TMEM181: variants seen among roughly 807,000 people sequenced by gnomAD.
TMEM181 encodes the protein transmembrane protein 181.
Under a neutral mutation model 71.9 loss-of-function variants are expected in TMEM181, and 39 were observed. That is an observed-to-expected ratio of 0.54 (90% CI 0.42 to 0.71). The LOEUF (loss-of-function observed/expected upper bound fraction) is 0.71. TMEM181 is among the 30% of genes least tolerant of loss of function. The probability of loss-of-function intolerance (pLI) is 0.00; values close to 1 mark genes in which losing one functional copy is unlikely to be tolerated. For missense variants in TMEM181, 595 were observed against 583.0 expected (o/e 1.02, Z -0.21); for synonymous variants, 245 against 228.8 (o/e 1.07, Z -0.64).
Position 158,585,367 on chromosome 6 carries a change from C to T in TMEM181, c.323C>T (p.Thr108Ile). 6.2e-7 allele frequency: 1 copy of T among 1,612,340 alleles called. No individual in the cohort carries two copies. The highest frequency in any genetic ancestry group is 8.5e-7 in the Non-Finnish European group (1 of 1,179,664). Reference protein sequence around the residue: ...VKVDGVAQDGTTMYIHNKVHN... With the variant: ...VKVDGVAQDGITMYIHNKVHN... ...GTCGATGGTGTAGCTCAAGATGGAA[C>T]CACGATGTACATTCATAACAAAGTT... Residue 108 changes from threonine to isoleucine, a missense_variant, in exon 5 of 17, where the codon ACC (threonine) becomes ATC (isoleucine). Coordinates refer to ENST00000684151, the MANE Select transcript of TMEM181 (RefSeq NM_001376852.1).
rs1268621396 is a variant in TMEM181, at chr6:158,634,952, G to C, written c.*3064G>C. On this transcript the variant is annotated 3_prime_UTR_variant, in exon 17 of 17. Transcript: ENST00000684151. ...GTGTCTGAACATTTAGTGAAGATGA[G>C]ACTTAAAACATGAAAGTGTATTTGT... 1 of 151,754 alleles carries C rather than the reference G, an allele frequency of 6.6e-6. No individual in the cohort carries two copies. Among genetic ancestry groups the C allele is most frequent in the Non-Finnish European group, 1.5e-5 (1 of 67,996 alleles). The allele number at this position is 151,754 out of a possible 1,614,324, so 9.4% of individuals were successfully genotyped here.
chr6:158,589,823 T>C, intron 6 of TMEM181, 41 bp downstream of exon 6: 1 of 1,351,360 alleles, frequency 7.4e-7, no homozygotes, highest in African/African-American at 1.4e-5. Context: ...TGGCTCATGT[T>C]CTAGTTCCCA....
intron 1 of TMEM181, among the ~76,000 whole-genome samples, chr6:158,563,582 T>A (rs894117): frequency 0.59 from 89,883 of 152,104 alleles, 27,021 homozygotes; most frequent in East Asian, 0.76. Context: ...CCAGCACTGC[T>A]TGTGCTGAAA....
chr6:158,561,009 G>C (rs576672074), intron 1 of TMEM181, among the ~76,000 whole-genome samples: 1 of 152,314 alleles, frequency 6.6e-6, no homozygotes, highest in South Asian at 2.1e-4. Flanking sequence ...CAGAAAGTCC[G>C]GGAGAAGGAG....
upstream of TMEM181, among the ~76,000 whole-genome samples, chr6:158,559,812 C>T (rs530308057): frequency 3.7e-4 from 57 of 152,382 alleles, no homozygotes; most frequent in African/African-American, 1.3e-3. Flanking sequence ...CCCATCCTTA[C>T]GCCCCGACAC....
chr6:158,609,610 C>T (rs1041003261), intron 10 of TMEM181: 9 of 167,656 alleles, frequency 5.4e-5, no homozygotes, highest in African/African-American at 9.6e-5. Context: ...CCAAACACAT[C>T]CTCCCCCTGG....
At chr6:158,543,069 G>A (rs1781411418) in intron 1 of TMEM181, among the ~76,000 whole-genome samples, 3 of 151,722 alleles carry the variant, frequency 2.0e-5, no homozygotes. Flanking sequence ...TAGAGATGAG[G>A]TTTTACCGTG....
upstream of TMEM181, among the ~76,000 whole-genome samples, chr6:158,555,630 T>A (rs1019762507): frequency 6.6e-6 from 1 of 152,244 alleles, no homozygotes; most frequent in Non-Finnish European, 1.5e-5. Flanking sequence ...ATGATGTAAT[T>A]TGTCTATTAG....
intron 1 of TMEM181, among the ~76,000 whole-genome samples, chr6:158,555,073 C>A (rs1283885303): frequency 1.3e-5 from 2 of 152,196 alleles, no homozygotes; most frequent in African/African-American, 4.8e-5. Context: ...AAAACAAACT[C>A]TCCAAAGAGC....
At chr6:158,578,712 G>C (rs1427697293) in intron 2 of TMEM181, among the ~76,000 whole-genome samples, 1 of 152,098 alleles carries the variant, frequency 6.6e-6, no homozygotes, top group Non-Finnish European at 1.5e-5. Flanking sequence ...CATATAGAAA[G>C]CAAAATGACA....
At chr6:158,583,653 A>C (rs563864210) in intron 3 of TMEM181, among the ~76,000 whole-genome samples, 8 of 152,276 alleles carry the variant, frequency 5.3e-5, no homozygotes, top group Non-Finnish European at 7.3e-5. Context: ...ACAAAAAATT[A>C]GCTGGACGTG....
intron 1 of TMEM181, among the ~76,000 whole-genome samples, chr6:158,560,523 G>A (rs1053957717): frequency 6.6e-6 from 1 of 151,800 alleles, no homozygotes; most frequent in Non-Finnish European, 1.5e-5. Flanking sequence ...AGCGCTCACC[G>A]GGGGGCCGAG....
chr6:158,610,869 C>T (rs911243769), intron 10 of TMEM181: 1 of 341,560 alleles, frequency 2.9e-6, no homozygotes, highest in Admixed American at 3.3e-5. Flanking sequence ...AAAAATGAGG[C>T]AGGTACATGA....
At chr6:158,626,816 C>T (rs914689492) in intron 13 of TMEM181, 1 of 404,402 alleles carries the variant, frequency 2.5e-6, no homozygotes, top group African/African-American at 2.1e-5. Flanking sequence ...ACTGACCCAC[C>T]CTCACACACA....
At chr6:158,558,116 G>C (rs1419259420), upstream of TMEM181, among the ~76,000 whole-genome samples, 1 of 152,214 alleles carries the variant, frequency 6.6e-6, no homozygotes, top group Admixed American at 6.5e-5. Flanking sequence ...CCAGGAGGTA[G>C]TTTGGAGTCA....
chr6:158,629,234 C>T (rs1583062060), intron 14 of TMEM181, among the ~76,000 whole-genome samples: 3 of 152,166 alleles, frequency 2.0e-5, no homozygotes, highest in African/African-American at 2.4e-5. Flanking sequence ...AATTAATATA[C>T]GATTTTTTCA....
Position 158,589,748 on chromosome 6 carries a change from A to C in TMEM181, c.458A>C (p.His153Pro), listed in dbSNP as rs924721569. 6.2e-7 allele frequency: 1 copy of C among 1,614,032 alleles called. No homozygotes were observed. The highest frequency in any genetic ancestry group is 1.3e-5 in the African/African-American group (1 of 74,930). Reference sequence around the variant, plus strand: ...TATACAGTGATAGTGGGATTTGAACACCTGAAGCTCCCCATCAAGGGAATG... The same window carrying C: ...TATACAGTGATAGTGGGATTTGAACCCCTGAAGCTCCCCATCAAGGGAATG... Reference protein sequence around the residue: ...TQYTVIVGFEHLKLPIKGMNF... With the variant: ...TQYTVIVGFEPLKLPIKGMNF... Residue 153 changes from histidine to proline, a missense_variant, in exon 6 of 17, where the codon CAC (histidine) becomes CCC (proline). By Grantham distance (77) the His-to-Pro change is moderately conservative. Transcript: ENST00000684151.
chr6:158,610,338 C>T (rs55844923), intron 10 of TMEM181: 19,315 of 286,646 alleles, frequency 0.067, 862 homozygotes, highest in East Asian at 0.11. Context: ...TCAACAGCTC[C>T]CCCCGTAGGC....
chr6:158,611,184 T>C, intron 10 of TMEM181: 1 of 524,980 alleles, frequency 1.9e-6, no homozygotes, highest in Non-Finnish European at 3.9e-6. Context: ...TCTGGCACTG[T>C]CTTGTCCTTC....
Sources: allele counts gnomAD v4.1 joint callset (sites outside exome capture counted in the v4.1 genomes callset), GRCh38; gene constraint gnomAD v4.1.1; transcripts MANE v1.5; gene names NCBI Gene and HGNC (gene_info 2026-07-23, HGNC 2026-07-21).